DNAH9: variants seen among roughly 807,000 people sequenced by gnomAD.
The protein encoded by DNAH9 is dynein axonemal heavy chain 9, also known as DNAH9 variant protein.
DNAH9 carries 345 observed loss-of-function variants against 471.6 expected under a neutral mutation model. That is an observed-to-expected ratio of 0.73 (90% confidence interval 0.67 to 0.80). The LOEUF (loss-of-function observed/expected upper bound fraction) is 0.80. Among genes scored for constraint, DNAH9 ranks in the 30% least tolerant of loss-of-function variants. The pLI is 0.00. For synonymous variants in DNAH9, 2,093 were observed against 2,123.6 expected, an observed-to-expected ratio of 0.99 and a Z score of 0.40; for missense variants, 5,407 against 5,609.2, an observed-to-expected ratio of 0.96 and a Z score of 1.15.
chr17:11,691,760 A>G (rs1324113234), intron 20 of DNAH9, among the ~76,000 whole-genome samples: 1 of 152,150 alleles, frequency 6.6e-6, no homozygotes, highest in Non-Finnish European at 1.5e-5. Context: ...AAAATATCCC[A>G]TTGAGGAATC....
intron 22 of DNAH9, 84 bp downstream of exon 22, chr17:11,694,531 C>T: frequency 1.4e-6 from 2 of 1,473,012 alleles, no homozygotes; most frequent in Non-Finnish European, 1.9e-6. Context: ...CCCATCATGC[C>T]TCTTCTCTCT....
rs1373295912 is a variant in DNAH9, at chr17:11,894,479, G to T, written c.11389G>T (p.Ala3797Ser). ...CCCCGTGGAGTTCCTCTCCCATCAGGCGTGGGGAGCTGTCAAGGTCAGTAT... is the reference window on the plus strand; with the variant it reads ...CCCCGTGGAGTTCCTCTCCCATCAGTCGTGGGGAGCTGTCAAGGTCAGTAT... ...ASPVEFLSHQ[A>S]WGAVKVLSSM... The change falls in exon 59 of 69, where the codon GCG becomes TCG. Residue 3797 changes from alanine to serine, a missense_variant. By Grantham distance (99) the Ala-to-Ser change is moderately conservative (BLOSUM62 1). Around this residue, in one of 3 missense-constraint regions of DNAH9, gnomAD observed 4,636 missense variants for 4,900.3 expected, o/e 0.95. Transcript: ENST00000262442. 1.9e-6 allele frequency: 3 copies of T among 1,614,134 alleles called. No individual in the cohort carries two copies. The highest frequency in any genetic ancestry group is 1.1e-5 in the South Asian group (1 of 91,076).
intron 67 of DNAH9, among the ~76,000 whole-genome samples, chr17:11,946,681 GAAA>G: frequency 9.0e-6 from 1 of 110,552 alleles, no homozygotes; most frequent in Non-Finnish European, 2.0e-5. Context: ...AAAAAAAAAA[GAAA>G]AAGAAAAAAA....
At chr17:11,618,939 A>G (rs9912519) in intron 5 of DNAH9, among the ~76,000 whole-genome samples, 132,072 of 152,146 alleles carry the variant, frequency 0.87, 58,044 homozygotes, top group East Asian at 0.97. Context: ...CTCCATGTTT[A>G]TCAGCCAGAA....
intron 49 of DNAH9, among the ~76,000 whole-genome samples, chr17:11,843,561 C>T (rs994675828): frequency 4.0e-5 from 6 of 151,618 alleles, no homozygotes; most frequent in African/African-American, 1.4e-4. Flanking sequence ...TAATTGAACT[C>T]CAATTTGATT....
intron 35 of DNAH9, among the ~76,000 whole-genome samples, chr17:11,762,204 T>C (rs1597608725): frequency 6.6e-6 from 1 of 152,348 alleles, no homozygotes; most frequent in East Asian, 1.9e-4. Flanking sequence ...AAAAAGTGAA[T>C]GGCGTGCTGT....
chr17:11,964,518 G>A lies in DNAH9; in HGVS notation c.13233+2262G>A, dbSNP rs546852208. Among the ~76,000 whole-genome samples, 8 of 152,146 alleles carry A rather than the reference G, an allele frequency of 5.3e-5. No homozygotes were observed. The South Asian group carries it at 1.5e-3, about 28-fold the overall frequency. On this transcript the variant is annotated intron_variant, in intron 68 of 68. Coordinates refer to ENST00000262442, the MANE Select transcript of DNAH9 (RefSeq NM_001372.4). ...AAAGGTTTTATCCCAGAAAGATGTC[G>A]GCAAAAATGGAAGAGTCAGGACCTC...
chr17:11,624,482 G>A (rs572714699), intron 6 of DNAH9, among the ~76,000 whole-genome samples: 8 of 151,970 alleles, frequency 5.3e-5, no homozygotes, highest in East Asian at 1.9e-4. Context: ...GCACTCCAGC[G>A]TGGGTGACAG....
In DNAH9 at chr17:11,937,872, T is replaced by A. The variant is rs1974765823; in HGVS notation, c.12660+350T>A. 6.6e-6 allele frequency among the ~76,000 whole-genome samples: 1 copy of A among 152,198 alleles called. No individual in the cohort carries two copies. ...CCTTGAATGTGACTTCTTGATCCCC[T>A]GGCAAACCAAGCAAGGATGGGTAAG... On this transcript the variant is annotated intron_variant, in intron 66 of 68. Transcript: ENST00000262442. The surrounding 1 kb of genome is among the most constrained non-coding windows in gnomAD (Gnocchi z 4.1).
intron 45 of DNAH9, among the ~76,000 whole-genome samples, chr17:11,815,755 A>G (rs1447203239): frequency 2.6e-5 from 4 of 152,170 alleles, no homozygotes; most frequent in East Asian, 3.8e-4. Flanking sequence ...TGCCATTGCA[A>G]TCCAGCCTGG....
At chr17:11,885,211 G>A (rs908508423) in intron 56 of DNAH9, among the ~76,000 whole-genome samples, 1 of 152,182 alleles carries the variant, frequency 6.6e-6, no homozygotes. Context: ...ACAGGGCTGA[G>A]GGCTGAGGCC....
intron 59 of DNAH9, among the ~76,000 whole-genome samples, chr17:11,897,455 C>G (rs1973256447): frequency 6.6e-6 from 1 of 152,230 alleles, no homozygotes; most frequent in African/African-American, 2.4e-5. Context: ...AACCACATTT[C>G]AAGTACTTGG....
intron 14 of DNAH9, among the ~76,000 whole-genome samples, chr17:11,657,349 T>C (rs2073670841): frequency 6.6e-6 from 1 of 152,142 alleles, no homozygotes; most frequent in Non-Finnish European, 1.5e-5. Flanking sequence ...CATATGCTGA[T>C]TGGCCAATTA....
At chr17:11,724,682 C>G (rs2075122516) in intron 27 of DNAH9, among the ~76,000 whole-genome samples, 1 of 152,106 alleles carries the variant, frequency 6.6e-6, no homozygotes, top group Non-Finnish European at 1.5e-5. Context: ...GATTGTTTTG[C>G]AAATGAAATG....
At chr17:11,601,376 G>A (rs929383983) in intron 1 of DNAH9, among the ~76,000 whole-genome samples, 2 of 151,920 alleles carry the variant, frequency 1.3e-5, no homozygotes, top group Non-Finnish European at 2.9e-5. Flanking sequence ...GAGGGAGAGA[G>A]GGAGGGAGGA....
At chr17:11,710,079 A>G (rs1018550491) in intron 26 of DNAH9, among the ~76,000 whole-genome samples, 1 of 152,190 alleles carries the variant, frequency 6.6e-6, no homozygotes, top group African/African-American at 2.4e-5. Context: ...CATTGTTAAT[A>G]TGTAGTTTGT....
At chr17:11,776,084 A>G (rs1366703309) in intron 38 of DNAH9, among the ~76,000 whole-genome samples, 1 of 152,010 alleles carries the variant, frequency 6.6e-6, no homozygotes, top group Non-Finnish European at 1.5e-5. Context: ...CAGTTGGTCA[A>G]CCCTTGTACA....
chr17:11,791,833 G>T (rs1432401405), intron 41 of DNAH9, among the ~76,000 whole-genome samples: 1 of 152,144 alleles, frequency 6.6e-6, no homozygotes, highest in East Asian at 1.9e-4. Flanking sequence ...TGTCTTGGGC[G>T]ACTTCAACAA....
intron 48 of DNAH9, among the ~76,000 whole-genome samples, chr17:11,826,250 C>G (rs1338570735): frequency 6.6e-6 from 1 of 152,130 alleles, no homozygotes; most frequent in Non-Finnish European, 1.5e-5. Context: ...CTGCCTGCCT[C>G]ATTGGCATCA....
Sources: allele counts gnomAD v4.1 joint callset (sites outside exome capture counted in the v4.1 genomes callset), GRCh38; gene constraint gnomAD v4.1.1; regional missense constraint gnomAD v4.1.1; non-coding constraint Gnocchi (gnomAD v3.1); transcripts MANE v1.5; gene names NCBI Gene and HGNC (gene_info 2026-07-23, HGNC 2026-07-21).